PTPN22: variants seen among roughly 807,000 people sequenced by gnomAD.
PTPN22 encodes the protein protein tyrosine phosphatase non-receptor type 22, also known as tyrosine-protein phosphatase non-receptor type 22.
A neutral mutation model predicts 103.3 loss-of-function variants in PTPN22; 85 were observed. The ratio of observed to expected loss-of-function variants is 0.82; its 90% CI spans 0.69 to 0.99. PTPN22 has a LOEUF of 0.99. PTPN22 is among the 50% of genes least tolerant of loss of function. The pLI is 0.00. For synonymous variants in PTPN22, 323 were observed against 310.2 expected (o/e 1.04, Z -0.43); for missense variants, 865 against 936.9 (o/e 0.92, Z 1.00).
intron 9 of PTPN22, among the ~76,000 whole-genome samples, chr1:113,854,184 C>A (rs751940472): frequency 3.9e-5 from 6 of 152,080 alleles, no homozygotes. Context: ...CAAATAGACA[C>A]ATTCAAAACC....
intron 20 of PTPN22, among the ~76,000 whole-genome samples, chr1:113,817,155 C>A (rs1661231092): frequency 6.6e-6 from 1 of 152,160 alleles, no homozygotes. Context: ...TAGTCAGAAT[C>A]ATCCTGTCAG....
intron 15 of PTPN22, among the ~76,000 whole-genome samples, 170 bp downstream of exon 15, chr1:113,834,139 A>C (rs1662780017): frequency 6.6e-6 from 1 of 152,262 alleles, no homozygotes; most frequent in Non-Finnish European, 1.5e-5. Context: ...GAAGCTTCTT[A>C]CAGGCAAGAA....
chr1:113,822,473 T>C (rs975357497), intron 19 of PTPN22, among the ~76,000 whole-genome samples: 1 of 152,192 alleles, frequency 6.6e-6, no homozygotes, highest in Non-Finnish European at 1.5e-5. Context: ...CCCTGATCTT[T>C]CCAGCTTCGC....
At chr1:113,834,763 G>A (rs2101948638) in intron 14 of PTPN22, 147 bp downstream of exon 14, 2 of 752,388 alleles carry the variant, frequency 2.7e-6, no homozygotes, top group Non-Finnish European at 4.5e-6. Flanking sequence ...GTCTCACTAT[G>A]TTGCGCAGGC....
exon 21 of PTPN22, chr1:113,814,943 T>C (rs777938095): frequency 4.4e-6 from 7 of 1,608,052 alleles, no homozygotes; most frequent in Non-Finnish European, 5.9e-6. Flanking sequence ...CTTGGTCCTT[T>C]GGGTTTTGAA....
intron 1 of PTPN22, among the ~76,000 whole-genome samples, chr1:113,867,010 G>T (rs1188835700): frequency 6.6e-6 from 1 of 152,148 alleles, no homozygotes; most frequent in African/African-American, 2.4e-5. Context: ...GCCTCTCAAA[G>T]TGCTGGGATT....
intron 19 of PTPN22, among the ~76,000 whole-genome samples, chr1:113,820,746 A>G (rs1661526084): frequency 6.6e-6 from 1 of 152,160 alleles, no homozygotes; most frequent in Non-Finnish European, 1.5e-5. Flanking sequence ...ATGGGAAGAT[A>G]TTAAGTGTTT....
At chr1:113,850,359 A>T (rs183398725) in intron 10 of PTPN22, among the ~76,000 whole-genome samples, 1 of 152,336 alleles carries the variant, frequency 6.6e-6, no homozygotes, top group East Asian at 1.9e-4. Flanking sequence ...GTCAGAAAAA[A>T]CAGCTACAAC....
At chr1:113,814,848 A>G in exon 21 of PTPN22, 1 of 1,240,330 alleles carries the variant, frequency 8.1e-7, no homozygotes, top group Non-Finnish European at 1.2e-6. Context: ...GCAGTATTCT[A>G]GTAGTTTTAT....
chr1:113,842,051 T>G (rs1364388799), intron 11 of PTPN22, among the ~76,000 whole-genome samples: 1 of 150,804 alleles, frequency 6.6e-6, no homozygotes, highest in African/African-American at 2.4e-5. Flanking sequence ...AAAAAAAAAT[T>G]AAAAAAAAAT....
At position 113,856,535 on chromosome 1, in the gene PTPN22, A is replaced by G. The variant is rs1665089379; in HGVS notation, c.480+13T>C. 1 of 1,614,112 alleles carries G rather than the reference A, an allele frequency of 6.2e-7. No homozygotes were observed. The highest frequency in any genetic ancestry group is 8.5e-7 in the Non-Finnish European group (1 of 1,180,038). On this transcript the variant is annotated intron_variant, in intron 6 of 20. Coordinates refer to ENST00000359785, the Ensembl canonical transcript of PTPN22. ...AGGCTTTACTCAGACATGAGAACAG[A>G]CATTACACTTACACAGGATACAGAG... is the stretch of plus-strand genomic sequence containing the variant.
At chr1:113,822,891 G>A (rs55951516) in intron 19 of PTPN22, among the ~76,000 whole-genome samples, 21,537 of 152,122 alleles carry the variant, frequency 0.14, 1,939 homozygotes, top group East Asian at 0.23. Context: ...CCTGGGAGGG[G>A]GAGGTTGCAG....
intron 19 of PTPN22, among the ~76,000 whole-genome samples, chr1:113,820,961 T>A (rs923524749): frequency 6.6e-6 from 1 of 150,978 alleles, no homozygotes; most frequent in African/African-American, 2.4e-5. Flanking sequence ...CTTACTATAT[T>A]ACTATAGTAA....
chr1:113,855,943 C>T (rs775401899), intron 7 of PTPN22, among the ~76,000 whole-genome samples: 4 of 152,220 alleles, frequency 2.6e-5, no homozygotes, highest in Non-Finnish European at 2.9e-5. Flanking sequence ...GTTCACCCTA[C>T]AAATATTATC....
intron 13 of PTPN22, among the ~76,000 whole-genome samples, chr1:113,835,839 T>C (rs1662957762): frequency 6.6e-6 from 1 of 152,176 alleles, no homozygotes; most frequent in Non-Finnish European, 1.5e-5. Context: ...ACATTCAGTT[T>C]TTATTAAACA....
intron 19 of PTPN22, among the ~76,000 whole-genome samples, chr1:113,820,322 G>A (rs1163847689): frequency 6.6e-6 from 1 of 151,976 alleles, no homozygotes; most frequent in African/African-American, 2.4e-5. Flanking sequence ...GCGAGGCATG[G>A]TGTTGCAAAT....
intron 20 of PTPN22, 89 bp from the exon 21 acceptor site, chr1:113,815,058 C>G: frequency 1.1e-6 from 1 of 907,590 alleles, no homozygotes. Context: ...ATAATATATG[C>G]AAATACATGG....
intron 9 of PTPN22, among the ~76,000 whole-genome samples, chr1:113,852,483 G>T (rs1015031731): frequency 3.9e-5 from 6 of 152,192 alleles, no homozygotes; most frequent in African/African-American, 1.4e-4. Flanking sequence ...ATTAAAAAAT[G>T]ATTTATAGAT....
intron 1 of PTPN22, among the ~76,000 whole-genome samples, 192 bp downstream of exon 1, chr1:113,871,345 C>A (rs1368002100): frequency 6.6e-6 from 1 of 152,008 alleles, no homozygotes; most frequent in Non-Finnish European, 1.5e-5. Context: ...ATATTAAAAC[C>A]AGTAATTTTG....
Sources: gnomAD v4.1 joint callset for allele counts (sites outside exome capture counted in the v4.1 genomes callset) on GRCh38, gnomAD v4.1.1 for gene constraint, MANE v1.5 for transcripts, NCBI Gene and HGNC (gene_info 2026-07-23, HGNC 2026-07-21) for gene names.